The following ZNF75A variants were observed in gnomAD, a reference collection of about 807,000 sequenced individuals.
ZNF75A encodes the protein zinc finger protein 75A.
Under a neutral mutation model 46.3 loss-of-function variants are expected in ZNF75A, and 36 were observed. That is an observed-to-expected ratio of 0.78 (90% CI 0.60 to 1.03). The LOEUF (loss-of-function observed/expected upper bound fraction) is 1.03. ZNF75A is among the 50% of genes least tolerant of loss of function. The pLI is 0.00. For missense variants in ZNF75A, 595 were observed against 551.3 expected (o/e 1.08, Z -0.79); for synonymous variants, 234 against 189.9 (o/e 1.23, Z -1.91).
rs376917976 is a variant in ZNF75A, at chr16:3,317,426, C to A, written c.1171C>A (p.Arg391Ser). Residue 391 changes from arginine (R) to serine (S), a missense_variant, in exon 7 of 7, where the codon CGT (arginine) becomes AGT (serine). By Grantham distance (110) the Arg-to-Ser change is moderately radical. Coordinates refer to ENST00000669516, the MANE Select transcript of ZNF75A (RefSeq NM_001302109.2). ...WKQELLKLMD[R>S]HKKDCAREKP... is the part of the protein sequence containing the mutation. ...ACAAGAGCTGCTCAAACTTATGGAT[C>A]GTCACAAGAAAGATTGTGCAAGAGA... 8.1e-6 allele frequency: 13 copies of A among 1,614,096 alleles called. No homozygotes were observed. The South Asian group carries it at 1.4e-4, about 18-fold the overall frequency.
At chr16:3,316,229 C>T (rs533862191) in intron 5 of ZNF75A, 2 of 152,208 alleles carry the variant, frequency 1.3e-5, no homozygotes, top group Non-Finnish European at 2.9e-5. Flanking sequence ...GTCTTCTTCA[C>T]TACTATATCC....
chr16:3,317,910 C>G lies in ZNF75A; in HGVS notation c.*41C>G, dbSNP rs750802765. 3 of 1,521,854 alleles carry G rather than the reference C, an allele frequency of 2.0e-6. No homozygotes were observed. The highest frequency in any genetic ancestry group is 2.6e-5 in the South Asian group (2 of 77,136). The allele number at this position is 1,521,854 out of a possible 1,614,324, so 94.3% of individuals were successfully genotyped here. A position where few individuals can be genotyped will look rare whatever the true frequency, so the allele number is the denominator to read the frequency against. On this transcript the variant is annotated 3_prime_UTR_variant, in exon 7 of 7. Coordinates refer to ENST00000669516, the MANE Select transcript of ZNF75A (RefSeq NM_001302109.2). ...GTGTCCTCATTCTGAAGACATTCACCAAATGGAGCTTGGCACTAAAATTTA... is the reference window on the plus strand; with the variant it reads ...GTGTCCTCATTCTGAAGACATTCACGAAATGGAGCTTGGCACTAAAATTTA...
intron 6 of ZNF75A, 37 bp from the exon 7 acceptor site, chr16:3,317,153 C>G: frequency 6.4e-7 from 1 of 1,556,198 alleles, no homozygotes; most frequent in Non-Finnish European, 8.7e-7. Flanking sequence ...TTTGCTTGTT[C>G]TGGGATACAG....
At chr16:3,320,579 G>A (rs1961490578), downstream of ZNF75A, among the ~76,000 whole-genome samples, 2 of 152,284 alleles carry the variant, frequency 1.3e-5, no homozygotes, top group Non-Finnish European at 1.5e-5. Flanking sequence ...CTTATGGGAG[G>A]TCAGTTCAAG....
intron 1 of ZNF75A, chr16:3,307,389 C>A (rs1043988639): frequency 6.6e-6 from 1 of 152,172 alleles, no homozygotes; most frequent in Non-Finnish European, 1.5e-5. Context: ...TTTAGGTATT[C>A]ACAGAATGTA....
At chr16:3,320,747 G>A (rs1490580264), downstream of ZNF75A, among the ~76,000 whole-genome samples, 1 of 152,202 alleles carries the variant, frequency 6.6e-6, no homozygotes, top group African/African-American at 2.4e-5. Context: ...TATGCATGCA[G>A]GAGATTTCAA....
chr16:3,316,668 GA>G, intron 5 of ZNF75A: 1 of 315,736 alleles, frequency 3.2e-6, no homozygotes. Flanking sequence ...ACATGTACTG[GA>G]TTCCCATTCC....
rs1050648464 is a variant in ZNF75A at position 3,318,172 on chromosome 16, A to G, written c.*303A>G. 5 of 1,103,666 alleles carry G rather than the reference A, an allele frequency of 4.5e-6. No individual in the cohort carries two copies. The South Asian group carries it at 1.5e-4, about 32-fold the overall frequency. The allele number at this position is 1,103,666 out of a possible 1,614,324, so 68.4% of individuals were successfully genotyped here. A position where few individuals can be genotyped will look rare whatever the true frequency, so the allele number is the denominator to read the frequency against. ...AGCAGTAACATGCATGTTTAATTGCATACCATTCTCTTCACAGTAGCAGGC... is the reference window on the plus strand; with the variant it reads ...AGCAGTAACATGCATGTTTAATTGCGTACCATTCTCTTCACAGTAGCAGGC... On this transcript the variant is annotated 3_prime_UTR_variant, in exon 7 of 7. Coordinates refer to ENST00000669516, the MANE Select transcript of ZNF75A (RefSeq NM_001302109.2).
At chr16:3,307,025 C>T (rs1960325392) in intron 1 of ZNF75A, 1 of 151,084 alleles carries the variant, frequency 6.6e-6, no homozygotes, top group Admixed American at 6.6e-5. Context: ...AGTCTGAGCT[C>T]ACTGCAGCCT....
Position 3,305,531 on chromosome 16 carries a change from G to T in ZNF75A, c.-229G>T, listed in dbSNP as rs911422495. ...CTGTACCTGGACAGGGCTGCGGTAG[G>T]CCAGCGGTGGGCTGGCGGTTGCGCT... On this transcript the variant is annotated 5_prime_UTR_variant, in exon 1 of 7. Transcript: ENST00000669516. The T allele has an allele frequency of 6.6e-6, 1 of 152,422 alleles. No homozygotes were observed. Among genetic ancestry groups the T allele is most frequent in the Middle Eastern group, 3.4e-3 (1 of 294 alleles). 9.4% of individuals were successfully genotyped at this position (152,422 alleles called of 1,614,324 possible).
intron 1 of ZNF75A, chr16:3,306,439 C>T (rs1186827266): frequency 6.6e-6 from 1 of 152,116 alleles, no homozygotes; most frequent in Admixed American, 6.5e-5. Context: ...ATAGGCCTGG[C>T]GCGGTGTTTG....
chr16:3,314,818 A>G (rs1961076545), intron 5 of ZNF75A: 1 of 985,286 alleles, frequency 1.0e-6, no homozygotes, highest in African/African-American at 1.7e-5. Flanking sequence ...TTACACTCAG[A>G]AGGCCCTCTA....
downstream of ZNF75A, among the ~76,000 whole-genome samples, chr16:3,321,612 C>T (rs1317842247): frequency 2.0e-5 from 3 of 152,158 alleles, no homozygotes; most frequent in Admixed American, 6.5e-5. Flanking sequence ...ACTCCAGGCA[C>T]GTGCCACCAT....
chr16:3,317,857 A>G lies in ZNF75A; in HGVS notation c.1602A>G (p.Lys534=), dbSNP rs1961348170. Residue 534 remains lysine (K), a synonymous_variant, in exon 7 of 7, where the codon AAA becomes AAG. Coordinates refer to ENST00000669516, the MANE Select transcript of ZNF75A (RefSeq NM_001302109.2). ...SRRSSLLRHQ[K]LHL The stretch of plus-strand genomic sequence containing the variant: ...GGTCAAGCCTTCTTAGACACCAGAA[A>G]CTCCACCTGTGAAGAGAAGCTTGTC... 6.2e-7 allele frequency: 1 copy of G among 1,605,202 alleles called. No homozygotes were observed. The highest frequency in any genetic ancestry group is 8.5e-7 in the Non-Finnish European group (1 of 1,174,948).
Position 3,318,618 on chromosome 16 carries a change from A to C in ZNF75A, c.*749A>C. The C allele has an allele frequency of 1.0e-6, 1 of 985,472 alleles. No homozygotes were observed. Among genetic ancestry groups the C allele is most frequent in the Non-Finnish European group, 1.2e-6 (1 of 829,932 alleles). 61.0% of individuals were successfully genotyped at this position (985,472 alleles called of 1,614,324 possible). On this transcript the variant is annotated 3_prime_UTR_variant, in exon 7 of 7. Coordinates refer to ENST00000669516, the MANE Select transcript of ZNF75A (RefSeq NM_001302109.2). ...TCAGTAGGATAAAGCAGCTATAAAAATTAGTACTTGCCCAAGGCCTGAAAG... is the reference window on the plus strand; with the variant it reads ...TCAGTAGGATAAAGCAGCTATAAAACTTAGTACTTGCCCAAGGCCTGAAAG...
At chr16:3,308,858 A>G (rs1005560400) in intron 2 of ZNF75A, 22 bp downstream of exon 2, 63 of 985,362 alleles carry the variant, frequency 6.4e-5, no homozygotes, top group Non-Finnish European at 7.4e-5. Flanking sequence ...GATTCCTGAC[A>G]TGTACAGTGA....
chr16:3,316,743 AT>A, intron 5 of ZNF75A, 168 bp from the exon 6 acceptor site: 1 of 498,492 alleles, frequency 2.0e-6, no homozygotes, highest in Non-Finnish European at 3.6e-6. Flanking sequence ...ATAGCTACCT[AT>A]AAGTATAACA....
intron 2 of ZNF75A, among the ~76,000 whole-genome samples, chr16:3,311,397 C>G (rs903810120): frequency 6.6e-6 from 1 of 150,998 alleles, no homozygotes; most frequent in South Asian, 2.1e-4. Context: ...GAGATTATGC[C>G]TTTGCACCCC....
chr16:3,311,793 G>A lies in ZNF75A; in HGVS notation c.449G>A (p.Gly150Glu), dbSNP rs1960820825. 9.5e-7 allele frequency: 1 copy of A among 1,050,236 alleles called. No homozygotes were observed. Among genetic ancestry groups the A allele is most frequent in the Non-Finnish European group, 1.2e-6 (1 of 862,974 alleles). 65.1% of individuals were successfully genotyped at this position (1,050,236 alleles called of 1,614,324 possible). A position where few individuals can be genotyped will look rare whatever the true frequency, so the allele number is the denominator to read the frequency against. Residue 150 changes from glycine to glutamate, a missense_variant, in exon 3 of 7, where the codon GGA (glycine) becomes GAA (glutamate). By Grantham distance (98) the Gly-to-Glu change is moderately conservative. Coordinates refer to ENST00000669516, the MANE Select transcript of ZNF75A (RefSeq NM_001302109.2). ...CTGGGAAAGGAGGCAGTGCTCTTGGGAGAAACAGCAGAGGCCTCAAGTTTC... is the reference window on the plus strand; with the variant it reads ...CTGGGAAAGGAGGCAGTGCTCTTGGAAGAAACAGCAGAGGCCTCAAGTTTC... ...HELGKEAVLL[G>E]ETAEASSFGL...
Sources: gnomAD v4.1 joint callset for allele counts (sites outside exome capture counted in the v4.1 genomes callset) on GRCh38, gnomAD v4.1.1 for gene constraint, MANE v1.5 for transcripts, NCBI Gene and HGNC (gene_info 2026-07-23, HGNC 2026-07-21) for gene names.